The following RARB variants were observed in gnomAD, a reference collection of about 807,000 sequenced individuals.
RARB encodes the protein HBV-activated protein.
RARB carries 17 observed loss-of-function variants against 51.9 expected under a neutral mutation model. The ratio of observed to expected loss-of-function variants is 0.33; its 90% CI spans 0.22 to 0.49. The LOEUF (loss-of-function observed/expected upper bound fraction) is 0.49, where lower values mean the gene tolerates loss of function less well. RARB is among the 20% of genes least tolerant of loss of function. The probability of loss-of-function intolerance (pLI) is 0.99; values close to 1 mark genes in which losing one functional copy is unlikely to be tolerated. For missense variants in RARB, 369 were observed against 550.8 expected (o/e 0.67, Z 3.30); for synonymous variants, 215 against 195.4 (o/e 1.10, Z -0.84).
chr3:25,205,933 A>G (rs1281308654), intron 5 of RARB, among the ~76,000 whole-genome samples: 1 of 152,102 alleles, frequency 6.6e-6, no homozygotes, highest in Non-Finnish European at 1.5e-5. Context: ...TACAAAAACA[A>G]CTTTAGTATA....
At chr3:25,473,469 C>T (rs993462540) in intron 2 of RARB, among the ~76,000 whole-genome samples, 2 of 152,038 alleles carry the variant, frequency 1.3e-5, no homozygotes, top group Admixed American at 6.6e-5. Context: ...TTGCTAGCAG[C>T]GTCCTGCCTG....
intron 4 of RARB, among the ~76,000 whole-genome samples, chr3:25,158,897 T>C (rs1273649765): frequency 6.6e-6 from 1 of 151,908 alleles, no homozygotes; most frequent in Non-Finnish European, 1.5e-5. Flanking sequence ...CAGTCAGCAA[T>C]AGAGAGAAGA....
intron 3 of RARB, among the ~76,000 whole-genome samples, chr3:25,113,550 G>T (rs62230293): frequency 0.13 from 19,481 of 152,116 alleles, 1,615 homozygotes; most frequent in Non-Finnish European, 0.2. Context: ...TTCCTTTTCT[G>T]TACAGCTTCC....
At chr3:25,145,734 C>A (rs1291278182) in intron 4 of RARB, among the ~76,000 whole-genome samples, 1 of 152,110 alleles carries the variant, frequency 6.6e-6, no homozygotes, top group Non-Finnish European at 1.5e-5. Flanking sequence ...CCTGGCCAGG[C>A]ATGGTGGCCC....
At chr3:24,888,697 G>A (rs1703313310) in intron 2 of RARB, among the ~76,000 whole-genome samples, 1 of 152,120 alleles carries the variant, frequency 6.6e-6, no homozygotes, top group African/African-American at 2.4e-5. Flanking sequence ...GGAAAATAAA[G>A]GCTGTGCATT....
At chr3:25,490,065 C>T (rs1467171328) in intron 2 of RARB, among the ~76,000 whole-genome samples, 1 of 152,136 alleles carries the variant, frequency 6.6e-6, no homozygotes, top group Admixed American at 6.5e-5. Context: ...AAGGCTACAT[C>T]CAATAAATCC....
At chr3:25,001,887 C>T (rs1414590106) in intron 2 of RARB, among the ~76,000 whole-genome samples, 1 of 152,078 alleles carries the variant, frequency 6.6e-6, no homozygotes, top group Non-Finnish European at 1.5e-5. Context: ...AAGCAATTCT[C>T]CCATTTCGGC....
chr3:25,062,776 G>A (rs1476565510), intron 3 of RARB, among the ~76,000 whole-genome samples: 1 of 151,782 alleles, frequency 6.6e-6, no homozygotes, highest in Non-Finnish European at 1.5e-5. Context: ...GAGGTGAGAT[G>A]GGGAGTTACT....
chr3:25,154,404 T>C (rs1700342104), intron 4 of RARB, among the ~76,000 whole-genome samples: 1 of 152,220 alleles, frequency 6.6e-6, no homozygotes, highest in Admixed American at 6.5e-5. Flanking sequence ...CTATGTCTTA[T>C]TCTATCTGTG....
At chr3:25,440,182 G>A (rs571579455) in intron 1 of RARB, among the ~76,000 whole-genome samples, 3 of 152,100 alleles carry the variant, frequency 2.0e-5, no homozygotes, top group African/African-American at 4.8e-5. Flanking sequence ...CTTGCATGGC[G>A]ACTCATACCG....
rs1553623182 is a variant in RARB at position 25,494,253 on chromosome 3, G to GCACGCACACACACA, written c.307-6926_307-6925insGCACACACACACAC. Among the ~76,000 whole-genome samples, 29 of 131,968 alleles carry GCACGCACACACACA rather than the reference G, an allele frequency of 2.2e-4. No individual in the cohort carries two copies. The East Asian group carries it at 5.1e-3, about 23-fold the overall frequency. 86.6% of individuals were successfully genotyped at this position (131,968 alleles called of 152,430 possible). Reference sequence around the variant, plus strand: ...GCCCCCTTTTCCAGCTGTATCTTACGCACACACACACACACACACACACAC... The same window carrying GCACGCACACACACA: ...GCCCCCTTTTCCAGCTGTATCTTACGCACGCACACACACACACACACACACACACACACACACAC... On this transcript the variant is annotated intron_variant, in intron 2 of 7. Transcript: ENST00000330688.
At chr3:25,555,149 T>G (rs1252304754) in intron 3 of RARB, among the ~76,000 whole-genome samples, 2 of 152,240 alleles carry the variant, frequency 1.3e-5, no homozygotes, top group South Asian at 4.1e-4. Context: ...AATGAATGAG[T>G]AAATTGACAA....
At chr3:25,436,240 G>T (rs903334160) in intron 1 of RARB, among the ~76,000 whole-genome samples, 2 of 152,124 alleles carry the variant, frequency 1.3e-5, no homozygotes, top group Non-Finnish European at 1.5e-5. Flanking sequence ...CATGCTATCG[G>T]CTTGCTTTAC....
intron 5 of RARB, among the ~76,000 whole-genome samples, chr3:25,393,294 AT>A (rs113158928): frequency 7.4e-5 from 11 of 148,374 alleles, no homozygotes; most frequent in East Asian, 4.0e-4. Flanking sequence ...GTTAGCTAGT[AT>A]TTTTTTTTTC....
intron 1 of RARB, among the ~76,000 whole-genome samples, chr3:24,839,168 G>A (rs1284597688): frequency 1.3e-5 from 2 of 152,038 alleles, no homozygotes; most frequent in South Asian, 2.1e-4. Context: ...TAGGAAGTTC[G>A]TGGCTTCAGC....
At chr3:25,529,736 T>C (rs918636007) in intron 3 of RARB, among the ~76,000 whole-genome samples, 1 of 152,144 alleles carries the variant, frequency 6.6e-6, no homozygotes, top group Non-Finnish European at 1.5e-5. Flanking sequence ...TAGAACTGTA[T>C]GCCAAAAAGG....
Position 25,049,372 on chromosome 3 carries a change from C to T in RARB, c.-379-10753C>T, listed in dbSNP as rs78535760. ...GAATTGTCAAAAGTTTGCCAAGTAT[C>T]GATTTAGGGTTCTAGGAATTTCAGC... On this transcript the variant is annotated intron_variant, in intron 2 of 11. Transcript: ENST00000383772. Among the ~76,000 whole-genome samples, 1,230 of 152,258 alleles carry T rather than the reference C, an allele frequency of 8.1e-3. 18 individuals are homozygous for T. Among genetic ancestry groups the T allele is most frequent in the African/African-American group, 0.028 (1,177 of 41,564 alleles).
intron 2 of RARB, among the ~76,000 whole-genome samples, chr3:24,948,587 C>G (rs1695823694): frequency 6.6e-6 from 1 of 152,154 alleles, no homozygotes; most frequent in African/African-American, 2.4e-5. Flanking sequence ...CCATCCCTTC[C>G]CTACCTATTC....
At chr3:25,267,050 T>C (rs1005975827) in intron 5 of RARB, among the ~76,000 whole-genome samples, 1 of 152,194 alleles carries the variant, frequency 6.6e-6, no homozygotes, top group African/African-American at 2.4e-5. Context: ...GCTCTGTGAT[T>C]CTGACCCCTT....
Sources: allele counts gnomAD v4.1 joint callset (sites outside exome capture counted in the v4.1 genomes callset), GRCh38; gene constraint gnomAD v4.1.1; transcripts MANE v1.5; gene names NCBI Gene and HGNC (gene_info 2026-07-23, HGNC 2026-07-21).